The following SNX29 variants were observed in gnomAD, a reference collection of about 807,000 sequenced individuals.
SNX29 encodes the protein sorting nexin 29, also known as sorting nexin-29.
In SNX29, 78 loss-of-function variants were observed where a neutral mutation model predicts 102.1. The ratio of observed to expected loss-of-function variants is 0.76; its 90% CI spans 0.64 to 0.92. The LOEUF (loss-of-function observed/expected upper bound fraction) is 0.92. SNX29 is among the 40% of genes least tolerant of loss of function. SNX29 has a pLI of 0.00. For missense variants in SNX29, 1,280 were observed against 1,061.7 expected, an observed-to-expected ratio of 1.21 and a Z score of -2.86; for synonymous variants, 580 against 414.5, an observed-to-expected ratio of 1.40 and a Z score of -4.85.
At chr16:12,428,430 A>G (rs2085171553) in intron 18 of SNX29, among the ~76,000 whole-genome samples, 1 of 152,096 alleles carries the variant, frequency 6.6e-6, no homozygotes, top group African/African-American at 2.4e-5. Flanking sequence ...ACTTTAAAAA[A>G]TGCTAAAAGT....
intron 15 of SNX29, among the ~76,000 whole-genome samples, chr16:12,323,119 TGTG>T (rs1483216464): frequency 2.0e-5 from 3 of 150,196 alleles, no homozygotes; most frequent in Non-Finnish European, 4.4e-5. Flanking sequence ...ACTGTCAGGA[TGTG>T]GTCACTGGAG....
chr16:12,176,691 G>A (rs963212978), intron 13 of SNX29, among the ~76,000 whole-genome samples: 1 of 152,192 alleles, frequency 6.6e-6, no homozygotes, highest in African/African-American at 2.4e-5. Flanking sequence ...CCCTTGGACT[G>A]TGGTATGTGA....
chr16:12,549,025 G>C (rs984202940), intron 20 of SNX29, among the ~76,000 whole-genome samples: 15 of 152,228 alleles, frequency 9.9e-5, no homozygotes. Context: ...TAAAAAGCTT[G>C]TGGAGTATCT....
chr16:12,047,258 G>A (rs2050126752), intron 6 of SNX29, among the ~76,000 whole-genome samples: 1 of 152,188 alleles, frequency 6.6e-6, no homozygotes, highest in Non-Finnish European at 1.5e-5. Flanking sequence ...CTGTTACGTT[G>A]TTCGCCCTTT....
At chr16:11,994,407 C>T (rs1021052037) in intron 1 of SNX29, among the ~76,000 whole-genome samples, 5 of 152,152 alleles carry the variant, frequency 3.3e-5, no homozygotes, top group East Asian at 1.9e-4. Context: ...GGGGTTTGAT[C>T]GCTCCTGTGT....
chr16:12,535,118 C>T (rs914917612), intron 20 of SNX29, among the ~76,000 whole-genome samples: 3 of 152,170 alleles, frequency 2.0e-5, no homozygotes, highest in Non-Finnish European at 4.4e-5. Flanking sequence ...TAGCACCCGC[C>T]AGGGTCCAGG....
At chr16:12,503,007 C>T (rs1011883421) in intron 19 of SNX29, among the ~76,000 whole-genome samples, 1 of 152,170 alleles carries the variant, frequency 6.6e-6, no homozygotes. Flanking sequence ...TGCCTTTTTT[C>T]CCTAATCCCA....
chr16:12,236,545 C>T (rs1204697667), intron 14 of SNX29, among the ~76,000 whole-genome samples: 2 of 152,286 alleles, frequency 1.3e-5, no homozygotes, highest in African/African-American at 2.4e-5. Flanking sequence ...AGACTTAGTT[C>T]GAGGTGTCAC....
intron 15 of SNX29, among the ~76,000 whole-genome samples, chr16:12,351,364 C>T (rs1043872071): frequency 1.3e-5 from 2 of 149,936 alleles, no homozygotes; most frequent in Admixed American, 6.6e-5. Flanking sequence ...TTTTATAAAA[C>T]GTAACAGATT....
At chr16:12,514,940 GAGAGAA>G (rs1567641721) in intron 19 of SNX29, among the ~76,000 whole-genome samples, 9 of 151,198 alleles carry the variant, frequency 6.0e-5, no homozygotes, top group Admixed American at 1.3e-4. Flanking sequence ...AAGAAAGAAA[GAGAGAA>G]AGAAAGAAAA....
chr16:12,388,425 A>G (rs1248341626), intron 16 of SNX29, among the ~76,000 whole-genome samples: 1 of 152,212 alleles, frequency 6.6e-6, no homozygotes, highest in Non-Finnish European at 1.5e-5. Flanking sequence ...AGCCCTTGAC[A>G]TTTTATAAAG....
intron 15 of SNX29, among the ~76,000 whole-genome samples, chr16:12,310,622 T>C (rs2080507851): frequency 6.6e-6 from 1 of 151,984 alleles, no homozygotes; most frequent in Non-Finnish European, 1.5e-5. Context: ...ATCACTGGCG[T>C]CTGGCGACGG....
chr16:12,011,117 T>C (rs939050448), intron 3 of SNX29, among the ~76,000 whole-genome samples: 5 of 151,840 alleles, frequency 3.3e-5, no homozygotes, highest in Non-Finnish European at 5.9e-5. Flanking sequence ...ATTTCCACTT[T>C]GAGGCTCTGT....
intron 7 of SNX29, among the ~76,000 whole-genome samples, chr16:12,050,254 A>C (rs185015163): frequency 1.3e-4 from 20 of 152,338 alleles, no homozygotes; most frequent in Admixed American, 1.2e-3. Flanking sequence ...ACATTGGTTT[A>C]GACAGATTGG....
At chr16:12,408,883 C>T (rs2084281217) in intron 18 of SNX29, among the ~76,000 whole-genome samples, 1 of 152,204 alleles carries the variant, frequency 6.6e-6, no homozygotes, top group Non-Finnish European at 1.5e-5. Context: ...TGTGCAGTCA[C>T]AGAGCCCCCA....
chr16:12,179,170 T>C lies in SNX29; in HGVS notation c.1596-20431T>C, dbSNP rs368555011. The stretch of plus-strand genomic sequence containing the variant: ...GAATAACACTACTACAACAATATAA[T>C]TGCCAAGAACATATAAAAATATTGG... On this transcript the variant is annotated intron_variant, in intron 13 of 20. Transcript: ENST00000566228. Among the ~76,000 whole-genome samples, 17 of 152,306 alleles carry C rather than the reference T, an allele frequency of 1.1e-4. No individual in the cohort carries two copies. In the East Asian group the frequency reaches 2.7e-3, roughly 24 times the overall value.
chr16:12,512,397 TATATATATATATATATATATA>T (rs1484272536), intron 19 of SNX29, among the ~76,000 whole-genome samples: 3,164 of 82,532 alleles, frequency 0.038, 172 homozygotes, highest in East Asian at 0.096. Flanking sequence ...TATATATATA[TATATATATATATATATATATA>T]GTTTTCGGTT....
intron 18 of SNX29, among the ~76,000 whole-genome samples, chr16:12,467,644 A>C (rs62028443): frequency 2.1e-5 from 3 of 141,548 alleles, no homozygotes; most frequent in African/African-American, 8.4e-5. Flanking sequence ...TCGTTCATTC[A>C]TTCATTCATT....
At position 12,550,778 on chromosome 16, in the gene SNX29, A is replaced by T. The variant is rs898051919; in HGVS notation, c.2319-17728A>T. ...ATAGTTGAAAAAGTGTAGAGGCTGAATAGCTGAGATAAGGAAGAGGGAGCC... is the reference window on the plus strand; with the variant it reads ...ATAGTTGAAAAAGTGTAGAGGCTGATTAGCTGAGATAAGGAAGAGGGAGCC... On this transcript the variant is annotated intron_variant, in intron 20 of 20. Transcript: ENST00000566228. 5.5e-5 allele frequency among the ~76,000 whole-genome samples: 8 copies of T among 144,506 alleles called. No homozygotes were observed. In the East Asian group the frequency reaches 1.7e-3, roughly 30 times the overall value. The allele number at this position is 144,506 out of a possible 152,430, so 94.8% of individuals were successfully genotyped here.
Sources: allele counts gnomAD v4.1 joint callset (sites outside exome capture counted in the v4.1 genomes callset), GRCh38; gene constraint gnomAD v4.1.1; transcripts MANE v1.5; gene names NCBI Gene and HGNC (gene_info 2026-07-23, HGNC 2026-07-21).